Variants in DLG2 observed in about 807,000 individuals in gnomAD.
DLG2 encodes the protein discs large MAGUK scaffold protein 2.
A neutral mutation model predicts 132.5 loss-of-function variants in DLG2; 45 were observed. The ratio of observed to expected loss-of-function variants is 0.34; its 90% CI spans 0.27 to 0.44. The LOEUF is 0.44. Among genes scored for constraint, DLG2 ranks in the 20% least tolerant of loss-of-function variants. The pLI, the probability that DLG2 is intolerant of heterozygous loss-of-function variation, is 1.00. For missense variants in DLG2, 1,045 were observed against 1,196.9 expected (o/e 0.87, Z 1.87); for synonymous variants, 424 against 419.6 (o/e 1.01, Z -0.13).
At chr11:85,508,780 A>G (rs2093992418) in intron 3 of DLG2, among the ~76,000 whole-genome samples, 1 of 152,090 alleles carries the variant, frequency 6.6e-6, no homozygotes, top group African/African-American at 2.4e-5. Context: ...TTAAGTTTAT[A>G]AACAGAAAAA....
chr11:84,935,423 A>G (rs2048624755), intron 6 of DLG2, among the ~76,000 whole-genome samples: 1 of 152,214 alleles, frequency 6.6e-6, no homozygotes, highest in African/African-American at 2.4e-5. Flanking sequence ...TGCATGGTAT[A>G]AACCCAGCCT....
intron 3 of DLG2, among the ~76,000 whole-genome samples, chr11:85,549,314 T>A (rs1289286357): frequency 6.6e-6 from 1 of 152,136 alleles, no homozygotes. Context: ...CTGCAACCAC[T>A]GTCCAACCAG....
intron 7 of DLG2, among the ~76,000 whole-genome samples, chr11:84,350,390 G>A (rs979158534): frequency 1.3e-5 from 2 of 152,098 alleles, no homozygotes; most frequent in African/African-American, 4.8e-5. Flanking sequence ...ATCACAAAAT[G>A]TATTTAAAAC....
At chr11:83,775,701 A>G (rs2094553024) in intron 18 of DLG2, among the ~76,000 whole-genome samples, 1 of 151,408 alleles carries the variant, frequency 6.6e-6, no homozygotes, top group Non-Finnish European at 1.5e-5. Context: ...TTTATATAAA[A>G]TAAGTTCATT....
chr11:84,209,816 G>A (rs1231756998), intron 8 of DLG2, among the ~76,000 whole-genome samples: 1 of 152,200 alleles, frequency 6.6e-6, no homozygotes, highest in Non-Finnish European at 1.5e-5. Context: ...ATTTAATGTT[G>A]AAGAGGATAC....
At chr11:85,417,683 G>A (rs1023647450) in intron 3 of DLG2, among the ~76,000 whole-genome samples, 7 of 152,192 alleles carry the variant, frequency 4.6e-5, no homozygotes, top group African/African-American at 1.4e-4. Context: ...GAGGGTGTAT[G>A]TGTCCAGGAA....
chr11:84,835,399 TTTC>T (rs2079614570), intron 6 of DLG2, among the ~76,000 whole-genome samples: 1 of 151,724 alleles, frequency 6.6e-6, no homozygotes, highest in Non-Finnish European at 1.5e-5. Flanking sequence ...ATGGCTATGA[TTTC>T]TTATCTACAA....
chr11:84,108,669 G>C lies in DLG2; in HGVS notation c.625-9622C>G, dbSNP rs148846015. Among the ~76,000 whole-genome samples, 1,467 of 152,200 alleles carry C rather than the reference G, an allele frequency of 9.6e-3. 15 individuals are homozygous for C. The highest frequency in any genetic ancestry group is 0.013 in the Non-Finnish European group (863 of 67,998). ...AGGTAGCAGGGGGTCAGACACTGGG[G>C]ACAGTAAGTTTTTGGGTCATAAAAG... On this transcript the variant is annotated intron_variant, in intron 9 of 27. Coordinates refer to ENST00000376104, the MANE Select transcript of DLG2 (RefSeq NM_001142699.3).
At chr11:84,389,694 A>G (rs1237874654) in intron 7 of DLG2, among the ~76,000 whole-genome samples, 1 of 152,200 alleles carries the variant, frequency 6.6e-6, no homozygotes, top group African/African-American at 2.4e-5. Flanking sequence ...AATGTGAAAC[A>G]TAACCAAGAT....
intron 6 of DLG2, among the ~76,000 whole-genome samples, chr11:84,646,324 GA>G (rs2099674936): frequency 9.5e-6 from 1 of 104,804 alleles, no homozygotes; most frequent in African/African-American, 5.7e-5. Flanking sequence ...TAAATGAAAA[GA>G]AGGACTTTTC....
At chr11:83,795,822 T>C (rs1182182493) in intron 17 of DLG2, among the ~76,000 whole-genome samples, 2 of 152,212 alleles carry the variant, frequency 1.3e-5, no homozygotes, top group African/African-American at 2.4e-5. Context: ...TGTGATCTTC[T>C]TCAACCCCAA....
intron 6 of DLG2, among the ~76,000 whole-genome samples, chr11:84,700,340 TG>T (rs1212282322): frequency 6.7e-6 from 1 of 149,050 alleles, no homozygotes; most frequent in Non-Finnish European, 1.5e-5. Context: ...AAAAAAAAAA[TG>T]AACAAAAATA....
intron 15 of DLG2, among the ~76,000 whole-genome samples, chr11:83,924,278 G>A (rs1283819687): frequency 6.6e-6 from 1 of 152,068 alleles, no homozygotes; most frequent in Non-Finnish European, 1.5e-5. Flanking sequence ...AAACATTAAA[G>A]GCCCAGTAAA....
chr11:84,425,130 G>A (rs572186234), intron 7 of DLG2, among the ~76,000 whole-genome samples: 6 of 152,128 alleles, frequency 3.9e-5, no homozygotes, highest in African/African-American at 1.4e-4. Context: ...ATATTACTGT[G>A]CAAATAAGTA....
chr11:85,350,713 G>A (rs1361966007), intron 3 of DLG2, among the ~76,000 whole-genome samples: 1 of 152,148 alleles, frequency 6.6e-6, no homozygotes, highest in East Asian at 1.9e-4. Context: ...AAGATCAGAT[G>A]GTTGTAGATG....
chr11:84,720,396 A>ATTCC (rs2061673254), intron 6 of DLG2: 1 of 985,358 alleles, frequency 1.0e-6, no homozygotes, highest in Admixed American at 6.1e-5. Flanking sequence ...AACAGGGGAC[A>ATTCC]TTCCTTCCGG....
chr11:85,257,926 A>G (rs1256813564), intron 4 of DLG2, among the ~76,000 whole-genome samples: 1 of 152,220 alleles, frequency 6.6e-6, no homozygotes, highest in East Asian at 1.9e-4. Context: ...ATAAGATAAT[A>G]TATTATGAAG....
At chr11:84,607,408 A>G (rs563108205) in intron 6 of DLG2, among the ~76,000 whole-genome samples, 19 of 152,094 alleles carry the variant, frequency 1.2e-4, no homozygotes, top group Non-Finnish European at 2.2e-4. Flanking sequence ...GCCTTGCTTG[A>G]GCTAAACTAG....
intron 6 of DLG2, among the ~76,000 whole-genome samples, chr11:84,631,385 A>G (rs1329645825): frequency 6.6e-6 from 1 of 152,150 alleles, no homozygotes; most frequent in Non-Finnish European, 1.5e-5. Flanking sequence ...TGACCCTATC[A>G]CATTATTTTG....
Sources: allele counts gnomAD v4.1 joint callset (sites outside exome capture counted in the v4.1 genomes callset), GRCh38; gene constraint gnomAD v4.1.1; transcripts MANE v1.5; gene names NCBI Gene and HGNC (gene_info 2026-07-23, HGNC 2026-07-21).